Variants in DGKI observed in about 807,000 individuals in gnomAD.
The protein encoded by DGKI is diacylglycerol kinase iota.
In DGKI, 55 loss-of-function variants were observed where a neutral mutation model predicts 147.5. The ratio of observed to expected loss-of-function variants is 0.37; its 90% CI spans 0.30 to 0.47. The LOEUF (loss-of-function observed/expected upper bound fraction) is 0.47. Ranked by LOEUF, DGKI falls within the 20% of genes least tolerant of loss-of-function variation. DGKI has a pLI of 1.00. For missense variants in DGKI, 1,007 were observed against 1,323.8 expected, an observed-to-expected ratio of 0.76 and a Z score of 3.71; for synonymous variants, 469 against 477.1, an observed-to-expected ratio of 0.98 and a Z score of 0.22.
intron 32 of DGKI, among the ~76,000 whole-genome samples, chr7:137,394,505 C>T (rs879504219): frequency 3.9e-5 from 6 of 152,046 alleles, no homozygotes; most frequent in Non-Finnish European, 7.4e-5. Context: ...GCTACAACTC[C>T]TCCTTCCCTC....
intron 15 of DGKI, among the ~76,000 whole-genome samples, chr7:137,579,946 T>G (rs1023819481): frequency 6.6e-6 from 1 of 152,136 alleles, no homozygotes; most frequent in African/African-American, 2.4e-5. Flanking sequence ...CCCAAAAGAA[T>G]TTTCTTCTAA....
rs144635994 is a variant in DGKI, at chr7:137,698,058, A to C, written c.402-8056T>G. Among the ~76,000 whole-genome samples, 26 of 151,324 alleles carry C rather than the reference A, an allele frequency of 1.7e-4. No individual in the cohort carries two copies. In the East Asian group the frequency reaches 5.1e-3, roughly 29 times the overall value. ...TAGATAGATACAGATATATATAGAT[A>C]TCTATATATATCTCCAGACAGATAT... On this transcript the variant is annotated intron_variant, in intron 1 of 32. Transcript: ENST00000614521.
intron 21 of DGKI, among the ~76,000 whole-genome samples, chr7:137,501,238 T>C (rs191856646): frequency 1.6e-3 from 245 of 152,340 alleles, no homozygotes; most frequent in Non-Finnish European, 1.4e-3. Flanking sequence ...ATTGTGTATA[T>C]ATACCACATT....
chr7:137,843,278 TAAA>T, intron 1 of DGKI: 1 of 260,864 alleles, frequency 3.8e-6, no homozygotes, highest in Non-Finnish European at 5.8e-6. Flanking sequence ...TACAGCAGTT[TAAA>T]AAAAAAAACA....
chr7:137,841,803 A>G (rs1798551172), intron 1 of DGKI, among the ~76,000 whole-genome samples: 1 of 152,220 alleles, frequency 6.6e-6, no homozygotes, highest in Non-Finnish European at 1.5e-5. Flanking sequence ...GGAAAGAGCT[A>G]GCTCTAGTCT....
rs116770852 is a variant in DGKI at position 137,683,718 on chromosome 7, T to C, written c.511-5066A>G. Among the ~76,000 whole-genome samples, 946 of 152,264 alleles carry C rather than the reference T, an allele frequency of 6.2e-3. 13 individuals are homozygous for C. The highest frequency in any genetic ancestry group is 0.022 in the African/African-American group (898 of 41,538). ...CATCTGTGCCAGACAGAAAAATAAC[T>C]CTCCTATTTCTAAACAAAGATAGCA... On this transcript the variant is annotated intron_variant, in intron 2 of 32. Transcript: ENST00000614521.
chr7:137,469,671 C>A, intron 23 of DGKI, 52 bp from the exon 24 acceptor site: 9 of 1,531,758 alleles, frequency 5.9e-6, no homozygotes, highest in Non-Finnish European at 8.1e-6. Context: ...ACCTGATGGG[C>A]TTCCCTCACT....
chr7:137,434,759 A>AT (rs1388333665), intron 28 of DGKI, among the ~76,000 whole-genome samples: 1 of 152,198 alleles, frequency 6.6e-6, no homozygotes, highest in African/African-American at 2.4e-5. Context: ...TAAATGACAG[A>AT]TAATAGTAGG....
intron 21 of DGKI, among the ~76,000 whole-genome samples, chr7:137,491,507 T>C (rs189622249): frequency 1.3e-5 from 2 of 152,366 alleles, no homozygotes; most frequent in Non-Finnish European, 1.5e-5. Flanking sequence ...CTGCATTCCA[T>C]ATTTCTAGAT....
At chr7:137,608,056 T>C (rs1820241429) in intron 10 of DGKI, among the ~76,000 whole-genome samples, 1 of 152,218 alleles carries the variant, frequency 6.6e-6, no homozygotes, top group Non-Finnish European at 1.5e-5. Flanking sequence ...CCATTGTCTT[T>C]AGTAATAAGA....
At chr7:137,708,119 A>T (rs1794098512) in intron 1 of DGKI, among the ~76,000 whole-genome samples, 1 of 152,196 alleles carries the variant, frequency 6.6e-6, no homozygotes. Context: ...CCCCACTAAG[A>T]TGTCTCTTTA....
chr7:137,466,080 A>T (rs751890748), intron 25 of DGKI, 45 bp from the exon 26 acceptor site: 2 of 1,602,978 alleles, frequency 1.2e-6, no homozygotes, highest in South Asian at 2.2e-5. Context: ...TAACAAAACA[A>T]GTATTCTTGG....
intron 1 of DGKI, among the ~76,000 whole-genome samples, chr7:137,842,086 A>G (rs1015402208): frequency 1.3e-5 from 2 of 152,250 alleles, no homozygotes; most frequent in African/African-American, 4.8e-5. Context: ...TTAAATTAGA[A>G]CCAAGATCTT....
chr7:137,587,061 T>G, intron 13 of DGKI, 36 bp downstream of exon 13: 1 of 1,448,452 alleles, frequency 6.9e-7, no homozygotes, highest in Non-Finnish European at 9.3e-7. Flanking sequence ...GGTTTGTTGT[T>G]TGATGATATG....
At chr7:137,439,916 GC>G (rs1338611533) in intron 28 of DGKI, among the ~76,000 whole-genome samples, 1 of 152,212 alleles carries the variant, frequency 6.6e-6, no homozygotes, top group Non-Finnish European at 1.5e-5. Flanking sequence ...TCTTTGAGAA[GC>G]CACTAATGCC....
intron 20 of DGKI, among the ~76,000 whole-genome samples, chr7:137,551,727 T>C (rs573724568): frequency 2.6e-5 from 4 of 152,230 alleles, no homozygotes; most frequent in Admixed American, 2.0e-4. Context: ...TTTATTAAAA[T>C]GCCTAAGAAA....
At chr7:137,493,082 C>T (rs534407855) in intron 21 of DGKI, among the ~76,000 whole-genome samples, 5 of 152,164 alleles carry the variant, frequency 3.3e-5, no homozygotes, top group African/African-American at 7.2e-5. Context: ...CCTGCTGGGA[C>T]GTATCTACGA....
At chr7:137,815,596 G>A (rs2117015262) in intron 1 of DGKI, among the ~76,000 whole-genome samples, 1 of 152,226 alleles carries the variant, frequency 6.6e-6, no homozygotes, top group East Asian at 1.9e-4. Context: ...AAGACTACTA[G>A]ATGTCAGCTA....
chr7:137,493,794 T>C, intron 21 of DGKI: 1 of 702,064 alleles, frequency 1.4e-6, no homozygotes, highest in South Asian at 1.5e-5. Context: ...TCCAAATGAC[T>C]GCACTAGTTC....
Sources: allele counts gnomAD v4.1 joint callset (sites outside exome capture counted in the v4.1 genomes callset), GRCh38; gene constraint gnomAD v4.1.1; transcripts MANE v1.5; gene names NCBI Gene and HGNC (gene_info 2026-07-23, HGNC 2026-07-21).